Variants in IDO2 observed in about 807,000 individuals in gnomAD.
IDO2 encodes indoleamine 2,3-dioxygenase 2, also known as indoleamine 2,3-dioxygenase-like 1 protein.
Under a neutral mutation model 45.1 loss-of-function variants are expected in IDO2, and 46 were observed. That is an observed-to-expected ratio of 1.02 (90% CI 0.80 to 1.30). IDO2 has a LOEUF of 1.30. Among genes scored for constraint, IDO2 ranks in the 50% most tolerant of loss-of-function variants. The pLI, the probability that IDO2 is intolerant of heterozygous loss-of-function variation, is 0.00. For synonymous variants in IDO2, 218 were observed against 184.9 expected (o/e 1.18, Z -1.45); for missense variants, 544 against 491.8 (o/e 1.11, Z -1.00).
intron 7 of IDO2, 65 bp downstream of exon 7, chr8:39,988,035 G>A: frequency 1.1e-6 from 1 of 887,596 alleles, no homozygotes. Context: ...CCCACTCAGT[G>A]CCTTTCCTGC....
At chr8:39,939,590 GA>G (rs1807613306) in intron 1 of IDO2, among the ~76,000 whole-genome samples, 1 of 86,854 alleles carries the variant, frequency 1.2e-5, no homozygotes, top group African/African-American at 4.3e-5. Flanking sequence ...AAGAAAGAAA[GA>G]AAAAAGAAAA....
At chr8:39,992,519 T>C (rs1325529272) in intron 8 of IDO2, among the ~76,000 whole-genome samples, 1 of 152,164 alleles carries the variant, frequency 6.6e-6, no homozygotes, top group South Asian at 2.1e-4. Context: ...ATCAACAGAA[T>C]ATAGTGGTTT....
chr8:39,947,020 G>A (rs775034035), intron 1 of IDO2, among the ~76,000 whole-genome samples: 1 of 151,852 alleles, frequency 6.6e-6, no homozygotes. Flanking sequence ...AATTGGCGTG[G>A]TGGTGGGTGC....
chr8:39,945,957 A>AG (rs908506642), intron 1 of IDO2, among the ~76,000 whole-genome samples: 6 of 152,222 alleles, frequency 3.9e-5, no homozygotes, highest in Admixed American at 3.3e-4. Flanking sequence ...AAACAAAGAT[A>AG]GTAACAGCCC....
At chr8:39,986,907 C>T (rs1808434877) in intron 6 of IDO2, 1 of 111,728 alleles carries the variant, frequency 9.0e-6, no homozygotes, top group Admixed American at 1.0e-4. Context: ...CAGAGTCTCA[C>T]TCTATCTCCC....
chr8:39,961,542 A>G (rs1807997554), intron 2 of IDO2, among the ~76,000 whole-genome samples: 1 of 151,958 alleles, frequency 6.6e-6, no homozygotes, highest in African/African-American at 2.4e-5. Context: ...AGCCCGTCAC[A>G]AACTCCTGAC....
intron 2 of IDO2, among the ~76,000 whole-genome samples, chr8:39,953,361 C>G (rs1046954079): frequency 2.6e-5 from 4 of 152,118 alleles, no homozygotes; most frequent in Non-Finnish European, 4.4e-5. Context: ...TGCCGAAGCT[C>G]CACCTAGAAT....
At position 39,995,265 on chromosome 8, in the gene IDO2, CTCTTCTTCT is replaced by C. The variant is rs68159478; in HGVS notation, c.667+5444_667+5452del. Reference sequence around the variant, plus strand: ...CTTCTCCTTCTCCTTCTTCTTCTTCCTCTTCTTCTTCTTCTTCTTCTTCTTTTTTTTTTG... The same window carrying C: ...CTTCTCCTTCTCCTTCTTCTTCTTCCTCTTCTTCTTCTTCTTTTTTTTTTG... On this transcript the variant is annotated intron_variant, in intron 8 of 10. Coordinates refer to ENST00000502986, the Ensembl canonical transcript of IDO2. The C allele has an allele frequency of 3.3e-5, 3 of 89,994 alleles. 1 individual carries two copies. The highest frequency in any genetic ancestry group is 6.9e-5 in the Non-Finnish European group (3 of 43,518). 5.6% of individuals were successfully genotyped at this position (89,994 alleles called of 1,614,324 possible).
intron 9 of IDO2, among the ~76,000 whole-genome samples, chr8:40,011,930 T>C (rs1415510389): frequency 6.6e-6 from 1 of 152,152 alleles, no homozygotes; most frequent in Non-Finnish European, 1.5e-5. Context: ...CTTCCCACCA[T>C]TCCCCTGCAC....
At chr8:39,947,672 C>T (rs1350981926) in intron 1 of IDO2, among the ~76,000 whole-genome samples, 3 of 152,204 alleles carry the variant, frequency 2.0e-5, no homozygotes, top group East Asian at 1.9e-4. Flanking sequence ...TATAAATGAC[C>T]CTGTCTCCTT....
intron 1 of IDO2, among the ~76,000 whole-genome samples, chr8:39,936,492 G>A (rs1807553622): frequency 6.6e-6 from 1 of 152,136 alleles, no homozygotes; most frequent in Admixed American, 6.5e-5. Flanking sequence ...CTCAGAAAAA[G>A]AAAAATTAAT....
At chr8:39,935,257 A>G in intron 1 of IDO2, 39 bp downstream of exon 1, 2 of 1,541,018 alleles carry the variant, frequency 1.3e-6, no homozygotes, top group East Asian at 2.2e-5. Context: ...CCTCGTATGC[A>G]TAATGTAAAC....
At chr8:39,958,257 A>T (rs1323148350) in intron 2 of IDO2, among the ~76,000 whole-genome samples, 1 of 151,890 alleles carries the variant, frequency 6.6e-6, no homozygotes, top group African/African-American at 2.4e-5. Flanking sequence ...GCTGGAGTGC[A>T]GTGGCTTGAT....
intron 8 of IDO2, among the ~76,000 whole-genome samples, chr8:39,999,425 C>A (rs191565232): frequency 6.6e-6 from 1 of 151,990 alleles, no homozygotes; most frequent in Admixed American, 6.6e-5. Flanking sequence ...ATTACAGGCA[C>A]CTGCCAACAC....
intron 9 of IDO2, among the ~76,000 whole-genome samples, chr8:40,011,118 C>G (rs1270689202): frequency 6.6e-6 from 1 of 152,146 alleles, no homozygotes; most frequent in African/African-American, 2.4e-5. Context: ...ACCATGTTGA[C>G]CAGGCTGGTG....
At chr8:39,970,682 C>A (rs566111927) in intron 3 of IDO2, among the ~76,000 whole-genome samples, 3 of 151,900 alleles carry the variant, frequency 2.0e-5, no homozygotes, top group Non-Finnish European at 2.9e-5. Context: ...TGAGCCACCA[C>A]GCCTGGCCAG....
chr8:39,996,513 A>T (rs760302727), intron 8 of IDO2, among the ~76,000 whole-genome samples: 1 of 151,310 alleles, frequency 6.6e-6, no homozygotes, highest in African/African-American at 2.4e-5. Flanking sequence ...TAACAGCTCA[A>T]TCTGGCATTT....
intron 5 of IDO2, among the ~76,000 whole-genome samples, chr8:39,984,159 A>G (rs1267595685): frequency 6.6e-6 from 1 of 152,230 alleles, no homozygotes; most frequent in Non-Finnish European, 1.5e-5. Flanking sequence ...GGGAAAAATG[A>G]CTGTACTAGA....
intron 8 of IDO2, among the ~76,000 whole-genome samples, chr8:40,004,545 A>AGATAGATAGATAGAT (rs1802189023): frequency 6.6e-6 from 1 of 151,760 alleles, no homozygotes; most frequent in African/African-American, 2.4e-5. Context: ...ATAGATAGAT[A>AGATAGATAGATAGAT]GATAGATAGA....
Sources: allele counts gnomAD v4.1 joint callset (sites outside exome capture counted in the v4.1 genomes callset), GRCh38; gene constraint gnomAD v4.1.1; transcripts MANE v1.5; gene names NCBI Gene and HGNC (gene_info 2026-07-23, HGNC 2026-07-21).